EYA3: variants seen among roughly 807,000 people sequenced by gnomAD.
EYA3 encodes EYA transcriptional coactivator and phosphatase 3, also known as protein phosphatase EYA3.
EYA3 carries 39 observed loss-of-function variants against 80.0 expected under a neutral mutation model. The observed-to-expected ratio is 0.49, with a 90% CI of 0.38 to 0.64. The LOEUF (loss-of-function observed/expected upper bound fraction) is 0.64, where lower values mean the gene tolerates loss of function less well. EYA3 is among the 30% of genes least tolerant of loss of function. The pLI, the probability that EYA3 is intolerant of heterozygous loss-of-function variation, is 0.00. For missense variants in EYA3, 523 were observed against 676.1 expected, an observed-to-expected ratio of 0.77 and a Z score of 2.51; for synonymous variants, 206 against 232.8, an observed-to-expected ratio of 0.88 and a Z score of 1.05.
chr1:28,039,493 ACTGATGTGATACT>A (rs1643652339), intron 4 of EYA3, among the ~76,000 whole-genome samples: 1 of 152,184 alleles, frequency 6.6e-6, no homozygotes, highest in East Asian at 1.9e-4. Context: ...GACGTGAGGA[ACTGATGTGATACT>A]CTGATGAACT....
intron 17 of EYA3, among the ~76,000 whole-genome samples, chr1:27,976,800 C>G (rs896921819): frequency 6.6e-6 from 1 of 152,142 alleles, no homozygotes; most frequent in Non-Finnish European, 1.5e-5. Context: ...TCACTGCAAC[C>G]TCCGCCTTCA....
At chr1:28,045,924 T>C (rs947618201) in intron 3 of EYA3, among the ~76,000 whole-genome samples, 1 of 152,180 alleles carries the variant, frequency 6.6e-6, no homozygotes, top group Admixed American at 6.5e-5. Context: ...CAATGGAGTA[T>C]TATTGAGCCT....
intron 9 of EYA3, among the ~76,000 whole-genome samples, chr1:28,011,965 C>T (rs1173658284): frequency 2.0e-5 from 3 of 152,054 alleles, no homozygotes; most frequent in Non-Finnish European, 4.4e-5. Context: ...AAACAAAACT[C>T]ATAACATTTA....
chr1:28,053,363 AATG>A (rs1222288173), intron 2 of EYA3, among the ~76,000 whole-genome samples: 31 of 152,172 alleles, frequency 2.0e-4, no homozygotes, highest in African/African-American at 7.2e-4. Context: ...TATAATGGCT[AATG>A]ATAACACAAA....
At chr1:27,995,958 T>C (rs970058501) in intron 13 of EYA3, among the ~76,000 whole-genome samples, 5 of 152,040 alleles carry the variant, frequency 3.3e-5, no homozygotes, top group South Asian at 2.1e-4. Context: ...CTACAACTTC[T>C]GCCTCCCGGT....
chr1:28,042,023 C>G (rs1035826223), intron 4 of EYA3, among the ~76,000 whole-genome samples: 1 of 152,130 alleles, frequency 6.6e-6, no homozygotes, highest in Non-Finnish European at 1.5e-5. Context: ...CCAGAATCAC[C>G]TGGCTAACTT....
At chr1:28,002,617 A>G (rs1364641674) in intron 11 of EYA3, among the ~76,000 whole-genome samples, 1 of 151,698 alleles carries the variant, frequency 6.6e-6, no homozygotes, top group Non-Finnish European at 1.5e-5. Context: ...TCAAGATGAG[A>G]CTGGGCAACA....
chr1:27,983,645 T>G (rs1639456310), intron 16 of EYA3, among the ~76,000 whole-genome samples: 1 of 152,220 alleles, frequency 6.6e-6, no homozygotes, highest in Non-Finnish European at 1.5e-5. Context: ...TTGCAGGAAT[T>G]CTTTATAGAT....
intron 7 of EYA3, among the ~76,000 whole-genome samples, chr1:28,020,836 A>G (rs1162507632): frequency 2.6e-5 from 4 of 152,202 alleles, no homozygotes; most frequent in African/African-American, 9.7e-5. Flanking sequence ...ATTATTATGT[A>G]TCTAAAGGCT....
At chr1:28,060,357 A>G (rs1644576651) in intron 1 of EYA3, among the ~76,000 whole-genome samples, 1 of 152,260 alleles carries the variant, frequency 6.6e-6, no homozygotes, top group African/African-American at 2.4e-5. Context: ...GGTTTTAAAA[A>G]GTAAGAAAAC....
intron 1 of EYA3, among the ~76,000 whole-genome samples, chr1:28,064,419 G>A (rs1231708120): frequency 6.3e-5 from 9 of 142,980 alleles, no homozygotes; most frequent in East Asian, 2.0e-4. Flanking sequence ...GCGAGACAGC[G>A]AGACTCTGCC....
chr1:28,043,994 C>G (rs1643910730), intron 3 of EYA3, among the ~76,000 whole-genome samples: 1 of 152,090 alleles, frequency 6.6e-6, no homozygotes, highest in South Asian at 2.1e-4. Context: ...ATAGCCAGGA[C>G]TAAGCAACAT....
intron 14 of EYA3, chr1:27,990,551 CCTT>C (rs1639978899): frequency 7.9e-6 from 1 of 126,896 alleles, no homozygotes; most frequent in African/African-American, 2.9e-5. Context: ...GACCAGTTGT[CCTT>C]TTTTTTTTTT....
At chr1:28,050,187 A>ATTTT (rs1557617106) in intron 2 of EYA3, among the ~76,000 whole-genome samples, 3 of 127,936 alleles carry the variant, frequency 2.3e-5, no homozygotes, top group African/African-American at 2.7e-5. Context: ...TATTATTATT[A>ATTTT]TTATTATTAT....
At chr1:28,037,019 A>C (rs1297773603) in intron 5 of EYA3, among the ~76,000 whole-genome samples, 1 of 152,226 alleles carries the variant, frequency 6.6e-6, no homozygotes, top group Non-Finnish European at 1.5e-5. Flanking sequence ...CGGCCTGCAA[A>C]GAGCACAGAT....
chr1:28,074,882 T>C (rs1268507532), intron 1 of EYA3, among the ~76,000 whole-genome samples: 1 of 152,214 alleles, frequency 6.6e-6, no homozygotes, highest in Admixed American at 6.5e-5. Context: ...CTGTTTATTG[T>C]TGTTTCTTTT....
intron 1 of EYA3, among the ~76,000 whole-genome samples, chr1:28,069,545 A>AT (rs1406146139): frequency 5.0e-5 from 6 of 121,104 alleles, no homozygotes; most frequent in Non-Finnish European, 6.9e-5. Context: ...GACCCAATCT[A>AT]TTTAAAAAAA....
At chr1:28,049,740 G>A (rs1644168635) in intron 2 of EYA3, among the ~76,000 whole-genome samples, 1 of 152,138 alleles carries the variant, frequency 6.6e-6, no homozygotes, top group Admixed American at 6.5e-5. Flanking sequence ...ACAGTGTTTT[G>A]CCTGGAAACT....
At chr1:28,045,255 G>C (rs1643958309) in intron 3 of EYA3, among the ~76,000 whole-genome samples, 1 of 152,188 alleles carries the variant, frequency 6.6e-6, no homozygotes, top group African/African-American at 2.4e-5. Context: ...ATATGGAATA[G>C]TTGTGTCAGT....
Sources: allele counts gnomAD v4.1 joint callset (sites outside exome capture counted in the v4.1 genomes callset), GRCh38; gene constraint gnomAD v4.1.1; transcripts MANE v1.5; gene names NCBI Gene and HGNC (gene_info 2026-07-23, HGNC 2026-07-21).